ADAMTS15: variants seen among roughly 807,000 people sequenced by gnomAD.
The protein encoded by ADAMTS15 is A disintegrin and metalloproteinase with thrombospondin motifs 15.
ADAMTS15 carries 35 observed loss-of-function variants against 79.1 expected under a neutral mutation model. The ratio of observed to expected loss-of-function variants is 0.44; its 90% CI spans 0.34 to 0.59. ADAMTS15 has a LOEUF of 0.59. Ranked by LOEUF, ADAMTS15 falls within the 20% of genes least tolerant of loss-of-function variation. The probability of loss-of-function intolerance (pLI) is 0.02; values close to 1 mark genes in which losing one functional copy is unlikely to be tolerated. For missense variants in ADAMTS15, 1,324 were observed against 1,318.7 expected, an observed-to-expected ratio of 1.00 and a Z score of -0.06; for synonymous variants, 616 against 567.3, an observed-to-expected ratio of 1.09 and a Z score of -1.22.
At chr11:130,470,742 C>T (rs1020729820) in intron 5 of ADAMTS15, among the ~76,000 whole-genome samples, 178 bp from the exon 6 acceptor site, 6 of 152,082 alleles carry the variant, frequency 3.9e-5, no homozygotes, top group East Asian at 1.9e-4. Flanking sequence ...TTTTCATCTG[C>T]GCCCTGGGTC....
chr11:130,452,526 G>A (rs934240592), intron 1 of ADAMTS15, among the ~76,000 whole-genome samples: 8 of 152,236 alleles, frequency 5.3e-5, no homozygotes, highest in Admixed American at 5.2e-4. Context: ...CTCATTCCCT[G>A]AGACTTCTCT....
intron 4 of ADAMTS15, among the ~76,000 whole-genome samples, chr11:130,467,591 A>T (rs558557765): frequency 6.6e-6 from 1 of 152,248 alleles, no homozygotes; most frequent in South Asian, 2.1e-4. Context: ...TGAGTTAGGC[A>T]CTGTGAGGGA....
At position 130,462,153 on chromosome 11, in the gene ADAMTS15, C is replaced by T. The variant is rs1250562645; in HGVS notation, c.1157C>T (p.Ala386Val). Reference sequence around the variant, plus strand: ...GAGGAGGTGTTTGGGAAGCTCCGAGCCAACCACATGATGTCCCCGACCCTC... The same window carrying T: ...GAGGAGGTGTTTGGGAAGCTCCGAGTCAACCACATGATGTCCCCGACCCTC... Reference protein sequence around the residue: ...VCEEVFGKLRANHMMSPTLIQ... With the variant: ...VCEEVFGKLRVNHMMSPTLIQ... Residue 386 changes from alanine (A) to valine (V), a missense_variant, in exon 3 of 8, where the codon GCC becomes GTC. Physicochemically the swap from Ala to Val is moderately conservative, Grantham distance 64. Coordinates refer to ENST00000299164, the MANE Select transcript of ADAMTS15 (RefSeq NM_139055.4). The surrounding 1 kb of genome is among the most constrained non-coding windows in gnomAD (Gnocchi z 4.3). 6.2e-7 allele frequency: 1 copy of T among 1,614,170 alleles called. No individual in the cohort carries two copies.
chr11:130,464,970 GAA>G (rs35175698), intron 4 of ADAMTS15, among the ~76,000 whole-genome samples: 260 of 133,978 alleles, frequency 1.9e-3, no homozygotes, highest in Middle Eastern at 3.7e-3. Flanking sequence ...CCATCTCAAG[GAA>G]AAAAAAAAAA....
In ADAMTS15 at chr11:130,449,247, ACCGGGGG is replaced by A; in HGVS notation, c.276_282del (p.Gly93LeufsTer13). 6.2e-7 allele frequency: 1 copy of A among 1,613,566 alleles called. No homozygotes were observed. The highest frequency in any genetic ancestry group is 8.5e-7 in the Non-Finnish European group (1 of 1,180,030). ...TCTGGGCGTCCCCCTCCAGGGGCTC[ACCGGGGG>A]CTCTTCAGACCTGCGACGCTGCTTC... On this transcript the variant is annotated frameshift_variant, in exon 1 of 8. Transcript: ENST00000299164. LOFTEE classifies it high-confidence loss of function. This position sits in a 1 kb window ranked among gnomAD's most constrained non-coding sequence, Gnocchi z 7.8.
In ADAMTS15 at chr11:130,469,370, G is replaced by A. The variant is rs755197416; in HGVS notation, c.1651G>A (p.Gly551Arg). ...GTGCACCAACCCCACCCCTGCCAACGGGGGCAAGTACTGCGAGGGAGTGAG... is the reference window on the plus strand; with the variant it reads ...GTGCACCAACCCCACCCCTGCCAACAGGGGCAAGTACTGCGAGGGAGTGAG... ...RQCTNPTPAN[G>R]GKYCEGVRVK... Residue 551 changes from glycine to arginine, a missense_variant, in exon 5 of 8, where the codon GGG (glycine) becomes AGG (arginine). Physicochemically the swap from Gly to Arg is moderately radical, Grantham distance 125 (BLOSUM62 -2). Coordinates refer to ENST00000299164, the MANE Select transcript of ADAMTS15 (RefSeq NM_139055.4). 1.3e-5 allele frequency: 18 copies of A among 1,362,608 alleles called. No homozygotes were observed. The highest frequency in any genetic ancestry group is 7.5e-5 in the African/African-American group (5 of 66,628). The allele number at this position is 1,362,608 out of a possible 1,614,324, so 84.4% of individuals were successfully genotyped here. A position where few individuals can be genotyped will look rare whatever the true frequency, so the allele number is the denominator to read the frequency against.
rs1421284406 is a variant in ADAMTS15, at chr11:130,470,186, G to GTATA, written c.1721-714_1721-711dup. On this transcript the variant is annotated intron_variant, in intron 5 of 7. Transcript: ENST00000299164. ...TATATATATATATATATATATGTGTGTATATATATATATATATATATATGT... is the reference window on the plus strand; with the variant it reads ...TATATATATATATATATATATGTGTGTATATATATATATATATATATATATATGT... Among the ~76,000 whole-genome samples, 74 of 67,140 alleles carry GTATA rather than the reference G, an allele frequency of 1.1e-3. 2 individuals carry two copies. Among genetic ancestry groups the GTATA allele is most frequent in the East Asian group, 3.7e-3 (11 of 2,998 alleles). 44.0% of individuals were successfully genotyped at this position (67,140 alleles called of 152,430 possible).
chr11:130,462,109 T>C lies in ADAMTS15; in HGVS notation c.1113T>C (p.His371=), dbSNP rs1463219485. 4 of 1,510,774 alleles carry C rather than the reference T, an allele frequency of 2.6e-6. No homozygotes were observed. The East Asian group carries it at 8.2e-5, about 31-fold the overall frequency. 93.6% of individuals were successfully genotyped at this position (1,510,774 alleles called of 1,614,324 possible). ...CAGGCCACGTGTTCAACATGCCCCATGACAATGTGAAAGTCTGTGAGGAGG... is the reference window on the plus strand; with the variant it reads ...CAGGCCACGTGTTCAACATGCCCCACGACAATGTGAAAGTCTGTGAGGAGG... ...HELGHVFNMP[H]DNVKVCEEVF... is the part of the protein sequence containing the mutation. Residue 371 remains histidine (H), a synonymous_variant, in exon 3 of 8, where the codon CAT becomes CAC. Coordinates refer to ENST00000299164, the MANE Select transcript of ADAMTS15 (RefSeq NM_139055.4). The surrounding 1 kb of genome is among the most constrained non-coding windows in gnomAD (Gnocchi z 4.3).
Position 130,462,787 on chromosome 11 carries a change from G to A in ADAMTS15, c.1542+7G>A, listed in dbSNP as rs768766825. 4 of 1,578,858 alleles carry A rather than the reference G, an allele frequency of 2.5e-6. No individual in the cohort carries two copies. Among genetic ancestry groups the A allele is most frequent in the Non-Finnish European group, 2.6e-6 (3 of 1,155,474 alleles). ...CAACCTCAACAAGCACAGGGTGAGT[G>A]AGTGCTGGAGCTGCGCTCGGGGACT... is the stretch of plus-strand genomic sequence containing the variant. On this transcript the variant is annotated splice_region_variant and intron_variant, in intron 4 of 7. Transcript: ENST00000299164. This position sits in a 1 kb window ranked among gnomAD's most constrained non-coding sequence, Gnocchi z 4.3.
At chr11:130,468,968 G>GAAAAAAAAAAAAAAAAAAA (rs1938365316) in intron 4 of ADAMTS15, among the ~76,000 whole-genome samples, 4 of 135,010 alleles carry the variant, frequency 3.0e-5, no homozygotes, top group African/African-American at 1.2e-4. Flanking sequence ...AAAAAAAAAG[G>GAAAAAAAAAAAAAAAAAAA]AAAACACATC....
Position 130,449,533 on chromosome 11 carries a change from C to T in ADAMTS15, c.560C>T (p.Ala187Val), listed in dbSNP as rs778261167. 6.4e-7 allele frequency: 1 copy of T among 1,573,618 alleles called. No homozygotes were observed. Among genetic ancestry groups the T allele is most frequent in the South Asian group, 1.2e-5 (1 of 83,418 alleles). ...GGCTGGAACCCCGCCATCCTACGGG[C>T]CCTGGACCCTTACAAGCCGCGGCGG... ...ASGWNPAILR[A>V]LDPYKPRRAG... Residue 187 changes from alanine (A) to valine (V), a missense_variant, in exon 1 of 8, where the codon GCC becomes GTC. Ala to Val is a moderately conservative substitution (Grantham distance 64). Coordinates refer to ENST00000299164, the MANE Select transcript of ADAMTS15 (RefSeq NM_139055.4). This position sits in a 1 kb window ranked among gnomAD's most constrained non-coding sequence, Gnocchi z 7.8.
chr11:130,449,925 A>G lies in ADAMTS15; in HGVS notation c.952A>G (p.Arg318Gly). Reference sequence around the variant, plus strand: ...CTGGGACACTGCCATCCTCTTCACCAGGCAGGTGAGTTGATCTGCCGTCAC... The same window carrying G: ...CTGGGACACTGCCATCCTCTTCACCGGGCAGGTGAGTTGATCTGCCGTCAC... ...EYWDTAILFT[R>G]QDLCGATTCD... The change falls in exon 1 of 8, where the codon AGG (arginine) becomes GGG (glycine). Residue 318 changes from arginine to glycine, a missense_variant. Coordinates refer to ENST00000299164, the MANE Select transcript of ADAMTS15 (RefSeq NM_139055.4). This position sits in a 1 kb window ranked among gnomAD's most constrained non-coding sequence, Gnocchi z 7.8. 1.3e-6 allele frequency: 2 copies of G among 1,598,280 alleles called. No homozygotes were observed. Among genetic ancestry groups the G allele is most frequent in the South Asian group, 2.2e-5 (2 of 91,060 alleles).
chr11:130,450,324 CG>C, intron 1 of ADAMTS15: 1 of 985,474 alleles, frequency 1.0e-6, no homozygotes, highest in Non-Finnish European at 1.2e-6. Flanking sequence ...ATTGTATGGG[CG>C]GCTGAGTCTT....
intron 1 of ADAMTS15, among the ~76,000 whole-genome samples, chr11:130,460,794 T>G (rs1938183109): frequency 6.6e-6 from 1 of 152,206 alleles, no homozygotes; most frequent in Non-Finnish European, 1.5e-5. Context: ...TGTGGCCAAG[T>G]TAAGCTTCAG....
At position 130,469,401 on chromosome 11, in the gene ADAMTS15, A is replaced by C. The variant is rs1295015003; in HGVS notation, c.1682A>C (p.Lys561Thr). The change falls in exon 5 of 8, where the codon AAA becomes ACA. Residue 561 changes from lysine to threonine, a missense_variant. Lys to Thr is a moderately conservative substitution (Grantham distance 78). Coordinates refer to ENST00000299164, the MANE Select transcript of ADAMTS15 (RefSeq NM_139055.4). ...GGKYCEGVRV[K>T]YRSCNLEPCP... ...AAGTACTGCGAGGGAGTGAGGGTGA[A>C]ATACCGATCCTGCAATCTGGAGCCC... 2 of 1,348,632 alleles carry C rather than the reference A, an allele frequency of 1.5e-6. No homozygotes were observed. Among genetic ancestry groups the C allele is most frequent in the Non-Finnish European group, 1.9e-6 (2 of 1,041,220 alleles). 83.5% of individuals were successfully genotyped at this position (1,348,632 alleles called of 1,614,324 possible). A position where few individuals can be genotyped will look rare whatever the true frequency, so the allele number is the denominator to read the frequency against.
intron 4 of ADAMTS15, among the ~76,000 whole-genome samples, chr11:130,468,001 C>A (rs1938338229): frequency 1.3e-5 from 2 of 152,200 alleles, no homozygotes; most frequent in Admixed American, 6.5e-5. Flanking sequence ...GAAAAACATT[C>A]ACGTCTATGG....
chr11:130,450,477 T>A, intron 1 of ADAMTS15: 4 of 980,190 alleles, frequency 4.1e-6, no homozygotes, highest in Non-Finnish European at 4.8e-6. Context: ...GTGGAGGGAA[T>A]CATTGAGAGA....
chr11:130,469,469 G>T, intron 5 of ADAMTS15, 30 bp downstream of exon 5: 1 of 1,310,864 alleles, frequency 7.6e-7, no homozygotes, highest in East Asian at 2.9e-5. Context: ...GGTGGCCTGG[G>T]CCCAGGGGAG....
Position 130,449,275 on chromosome 11 carries a change from G to A in ADAMTS15, c.302G>A (p.Cys101Tyr), listed in dbSNP as rs1414903634. 1 of 1,612,538 alleles carries A rather than the reference G, an allele frequency of 6.2e-7. No individual in the cohort carries two copies. Among genetic ancestry groups the A allele is most frequent in the Non-Finnish European group, 8.5e-7 (1 of 1,180,034 alleles). The part of the protein sequence containing the change: ...LTGGSSDLRR[C>Y]FYSGDVNAEP... ...GGGGGCTCTTCAGACCTGCGACGCT[G>A]CTTCTATTCTGGGGACGTGAACGCC... Residue 101 changes from cysteine (C) to tyrosine (Y), a missense_variant, in exon 1 of 8, where the codon TGC becomes TAC. By Grantham distance (194) the Cys-to-Tyr change is radical. Transcript: ENST00000299164. The surrounding 1 kb of genome is among the most constrained non-coding windows in gnomAD (Gnocchi z 7.8).
Sources: allele counts gnomAD v4.1 joint callset (sites outside exome capture counted in the v4.1 genomes callset), GRCh38; gene constraint gnomAD v4.1.1; non-coding constraint Gnocchi (gnomAD v3.1); transcripts MANE v1.5; gene names NCBI Gene and HGNC (gene_info 2026-07-23, HGNC 2026-07-21).